Variants in JAG2 observed in about 807,000 individuals in gnomAD.
JAG2 encodes protein jagged-2.
A neutral mutation model predicts 141.7 loss-of-function variants in JAG2; 46 were observed. The ratio of observed to expected loss-of-function variants is 0.32; its 90% CI spans 0.26 to 0.42. JAG2 has a LOEUF of 0.42. Ranked by LOEUF, JAG2 falls within the 10% of genes least tolerant of loss-of-function variation. JAG2 has a pLI of 1.00. For missense variants in JAG2, 1,500 were observed against 1,817.5 expected (o/e 0.83, Z 3.18); for synonymous variants, 862 against 763.5 (o/e 1.13, Z -2.13).
intron 3 of JAG2, among the ~76,000 whole-genome samples, chr14:105,156,308 C>T (rs1039324992): frequency 6.6e-6 from 1 of 152,124 alleles, no homozygotes; most frequent in Non-Finnish European, 1.5e-5. Flanking sequence ...CGGCTGCTGC[C>T]AGGGCGTGAG....
In JAG2 at chr14:105,152,233, C is replaced by T. The variant is rs375084155; in HGVS notation, c.847G>A (p.Val283Met). The T allele has an allele frequency of 5.8e-5, 94 of 1,613,574 alleles. No homozygotes were observed. The highest frequency in any genetic ancestry group is 3.1e-4 in the African/African-American group (23 of 75,064). Residue 283 changes from valine to methionine, a missense_variant, in exon 6 of 26, where the codon GTG (valine) becomes ATG (methionine). Around this residue, in one of 3 missense-constraint regions of JAG2, gnomAD observed 875 missense variants for 1,202.2 expected, o/e 0.73. Coordinates refer to ENST00000331782, the MANE Select transcript of JAG2 (RefSeq NM_002226.5). ...CDECVPYPGC[V>M]HGSCVEPWQC... Reference sequence around the variant, plus strand: ...CAGGGCTCCACACAACTGCCATGCACGCAGCCGGGGTAGGGGACACACTCA... The same window carrying T: ...CAGGGCTCCACACAACTGCCATGCATGCAGCCGGGGTAGGGGACACACTCA...
intron 2 of JAG2, among the ~76,000 whole-genome samples, chr14:105,165,279 C>T (rs1888874902): frequency 6.6e-6 from 1 of 152,224 alleles, no homozygotes; most frequent in African/African-American, 2.4e-5. Flanking sequence ...CTGCTGCCCC[C>T]AGCATGACAC....
Position 105,146,639 on chromosome 14 carries a change from G to A in JAG2, c.2565C>T (p.Pro855=), listed in dbSNP as rs750275869. Residue 855 remains proline, a synonymous_variant, in exon 21 of 26, where the codon CCC becomes CCT. Coordinates refer to ENST00000331782, the MANE Select transcript of JAG2 (RefSeq NM_002226.5). ...CCTGGCACCGGGGGCCGGCTCGGCC[G>A]GGTGGGCAGCTACAGCGATACCCGT... is the stretch of plus-strand genomic sequence containing the variant. ...EINGYRCSCP[P]GRAGPRCQEV... is the part of the protein sequence containing the mutation. 5.7e-5 allele frequency: 92 copies of A among 1,612,626 alleles called. No individual in the cohort carries two copies. Among genetic ancestry groups the A allele is most frequent in the South Asian group, 1.6e-4 (15 of 91,086 alleles).
At position 105,150,619 on chromosome 14, in the gene JAG2, G is replaced by A. The variant is rs180968250; in HGVS notation, c.1587C>T (p.Ser529=). 3.7e-4 allele frequency: 572 copies of A among 1,548,902 alleles called. 1 individual carries two copies. In the African/African-American group the frequency reaches 5.2e-3, roughly 14 times the overall value. The change falls in exon 12 of 26, where the codon TCC becomes TCT. Residue 529 remains serine (S), a synonymous_variant. Coordinates refer to ENST00000331782, the MANE Select transcript of JAG2 (RefSeq NM_002226.5). The stretch of plus-strand genomic sequence containing the variant: ...CAGACCTCACCTCACAGAGAGGCCC[G>A]GAGAAGCCCTGGGGGCAGTGGCAGT... ...GFHCHCPQGF[S]GPLCEVDVDL... is the part of the protein sequence containing the mutation.
chr14:105,156,101 A>G, intron 3 of JAG2, 112 bp from the exon 4 acceptor site: 2 of 1,354,300 alleles, frequency 1.5e-6, no homozygotes, highest in South Asian at 2.7e-5. Flanking sequence ...GCCGGGGCAC[A>G]GCAGGCAGCA....
chr14:105,150,147 T>A (rs1246790640), intron 12 of JAG2, among the ~76,000 whole-genome samples: 2 of 136,804 alleles, frequency 1.5e-5, no homozygotes, highest in Non-Finnish European at 3.2e-5. Flanking sequence ...GGGGAGGGGG[T>A]CCAGTACCAA....
chr14:105,147,617 T>C, intron 18 of JAG2, 90 bp from the exon 19 acceptor site: 2 of 1,348,900 alleles, frequency 1.5e-6, no homozygotes, highest in Admixed American at 1.8e-5. Context: ...GATCAGGCTG[T>C]GGGGCTGGGG....
In JAG2 at chr14:105,142,479, C is replaced by T; in HGVS notation, c.*216G>A. The T allele has an allele frequency of 1.8e-6, 1 of 565,626 alleles. No individual in the cohort carries two copies. Among genetic ancestry groups the T allele is most frequent in the Non-Finnish European group, 3.1e-6 (1 of 319,406 alleles). 35.0% of individuals were successfully genotyped at this position (565,626 alleles called of 1,614,324 possible). On this transcript the variant is annotated 3_prime_UTR_variant, in exon 26 of 26. Transcript: ENST00000331782. ...ACGCACGGAAACTTTACAAAAATAG[C>T]AACTATCCGAGAATACTCCATTGTT...
At chr14:105,157,823 G>A in intron 2 of JAG2, 60 bp from the exon 3 acceptor site, 1 of 1,451,328 alleles carries the variant, frequency 6.9e-7, no homozygotes, top group South Asian at 1.2e-5. Flanking sequence ...CTCGTTCAGG[G>A]TGGGACAAGG....
rs144248956 is a variant in JAG2 at position 105,151,103 on chromosome 14, G to T, written c.1269C>A (p.Asp423Glu). 7.5e-6 allele frequency: 12 copies of T among 1,609,022 alleles called. No individual in the cohort carries two copies. The highest frequency in any genetic ancestry group is 1.0e-5 in the Non-Finnish European group (12 of 1,178,134). ...ATGGCTTCCCTTCACACTCATTGGCGTCTGTGAAAGAGACAAGGTGGGAGC... is the reference window on the plus strand; with the variant it reads ...ATGGCTTCCCTTCACACTCATTGGCTTCTGTGAAAGAGACAAGGTGGGAGC... ...EQWVGATCQL[D>E]ANECEGKPCL... Residue 423 changes from aspartate (D) to glutamate (E), a missense_variant and splice_region_variant, in exon 10 of 26, where the codon GAC becomes GAA. Transcript: ENST00000331782.
intron 9 of JAG2, 52 bp downstream of exon 9, chr14:105,151,204 AGCAGCCCCCGCAGCCCCAGCAGCCCCC>A (rs1888416262): frequency 4.2e-6 from 3 of 715,916 alleles, no homozygotes; most frequent in African/African-American, 7.2e-5. Flanking sequence ...CAGCAGCCCC[AGCAGCCCCCGCAGCCCCAGCAGCCCCC>A]GCAGCCCGCA....
rs1243489202 is a variant in JAG2, at chr14:105,147,983, C to CCCGGGGG, written c.2249-102_2249-96dup. ...CCCCAACCCAGACAGGGCAGACAGA[C>CCCGGGGG]CCGGGGGCAGGGGGCAGGGGGCAGG... is the stretch of plus-strand genomic sequence containing the variant. On this transcript the variant is annotated intron_variant, in intron 17 of 25. Coordinates refer to ENST00000331782, the MANE Select transcript of JAG2 (RefSeq NM_002226.5). The CCCGGGGG allele has an allele frequency of 4.1e-4, 484 of 1,189,530 alleles. No homozygotes were observed. The Middle Eastern group carries it at 4.4e-3, about 11-fold the overall frequency. The allele number at this position is 1,189,530 out of a possible 1,614,324, so 73.7% of individuals were successfully genotyped here.
At position 105,142,937 on chromosome 14, in the gene JAG2, G is replaced by A. The variant is rs188092112; in HGVS notation, c.3475C>T (p.Arg1159Cys). Residue 1159 changes from arginine (R) to cysteine (C), a missense_variant, in exon 26 of 26, where the codon CGC becomes TGC. Physicochemically the swap from Arg to Cys is radical, Grantham distance 180 (BLOSUM62 -3). Around this residue, in one of 3 missense-constraint regions of JAG2, gnomAD observed 425 missense variants for 441.0 expected, o/e 0.96. Coordinates refer to ENST00000331782, the MANE Select transcript of JAG2 (RefSeq NM_002226.5). ...YQCKNFTPPP[R>C]RADEALPGPA... is the part of the protein sequence containing the mutation. ...CCGGGCAGCGCCTCGTCCGCCCTGC[G>A]CGGCGGCGGCGTGAAGTTCTTGCAC... 4.7e-5 allele frequency: 76 copies of A among 1,608,566 alleles called. No individual in the cohort carries two copies. In the East Asian group the frequency reaches 9.2e-4, roughly 19 times the overall value.
In JAG2 at chr14:105,167,252, AGCGTTAG is replaced by A. The variant is rs1196700767; in HGVS notation, c.417+498_417+504del. On this transcript the variant is annotated intron_variant, in intron 2 of 25. Coordinates refer to ENST00000331782, the MANE Select transcript of JAG2 (RefSeq NM_002226.5). This position sits in a 1 kb window ranked among gnomAD's most constrained non-coding sequence, Gnocchi z 4.8. ...ACCATCGGGGGCTTCTGCCGACATA[AGCGTTAG>A]GCGTTAGGCTCTCCCGGGCCTAGGT... Among the ~76,000 whole-genome samples the A allele has an allele frequency of 6.6e-5, 10 of 152,278 alleles. No homozygotes were observed. Among genetic ancestry groups the A allele is most frequent in the South Asian group, 6.2e-4 (3 of 4,828 alleles).
chr14:105,149,334 G>A lies in JAG2; in HGVS notation c.1603-14C>T, dbSNP rs778176970. ...GTCGACATCCACCTGCAGGGTGGGGGGTGCCTGTGAGAGCCTAGGCCCAGG... is the reference window on the plus strand; with the variant it reads ...GTCGACATCCACCTGCAGGGTGGGGAGTGCCTGTGAGAGCCTAGGCCCAGG... On this transcript the variant is annotated splice_polypyrimidine_tract_variant and intron_variant, in intron 12 of 25. Transcript: ENST00000331782. 1.2e-6 allele frequency: 2 copies of A among 1,612,562 alleles called. No homozygotes were observed. Among genetic ancestry groups the A allele is most frequent in the East Asian group, 4.5e-5 (2 of 44,866 alleles).
chr14:105,150,954 C>T (rs1304649669), intron 10 of JAG2, 37 bp downstream of exon 10: 1 of 1,596,162 alleles, frequency 6.3e-7, no homozygotes, highest in Non-Finnish European at 8.5e-7. Context: ...TCCCATGTGC[C>T]TCGGCCCACC....
Position 105,141,201 on chromosome 14 carries a change from C to T in JAG2, c.*1494G>A, listed in dbSNP as rs1888051847. Reference sequence around the variant, plus strand: ...GCTCGGAGTCAGCCTTGGAGTCGGCCTTCCATGCCCAGCCCTGAGGCCACC... The same window carrying T: ...GCTCGGAGTCAGCCTTGGAGTCGGCTTTCCATGCCCAGCCCTGAGGCCACC... On this transcript the variant is annotated 3_prime_UTR_variant, in exon 26 of 26. Coordinates refer to ENST00000331782, the MANE Select transcript of JAG2 (RefSeq NM_002226.5). The T allele has an allele frequency of 2.0e-5, 3 of 152,150 alleles. No individual in the cohort carries two copies. The highest frequency in any genetic ancestry group is 2.0e-4 in the Admixed American group (3 of 15,272). The allele number at this position is 152,150 out of a possible 1,614,324, so 9.4% of individuals were successfully genotyped here. A position where few individuals can be genotyped will look rare whatever the true frequency, so the allele number is the denominator to read the frequency against.
At position 105,146,694 on chromosome 14, in the gene JAG2, G is replaced by C; in HGVS notation, c.2510C>G (p.Ala837Gly). ...NIDECQSSPC[A>G]YGATCVDEIN... ...CTCATCCACACACGTGGCCCCGTAG[G>C]CACAGGGCGAGGACTGGCACTCGTC... Residue 837 changes from alanine to glycine, a missense_variant, in exon 21 of 26, where the codon GCC becomes GGC. Physicochemically the swap from Ala to Gly is moderately conservative, Grantham distance 60. Around this residue, in one of 3 missense-constraint regions of JAG2, gnomAD observed 875 missense variants for 1,202.2 expected, o/e 0.73. Coordinates refer to ENST00000331782, the MANE Select transcript of JAG2 (RefSeq NM_002226.5). 6.2e-7 allele frequency: 1 copy of C among 1,612,622 alleles called. No homozygotes were observed. Among genetic ancestry groups the C allele is most frequent in the Non-Finnish European group, 8.5e-7 (1 of 1,179,822 alleles).
rs1345414418 is a variant in JAG2 at position 105,167,817 on chromosome 14, G to A, written c.357C>T (p.Ala119=). 2.0e-6 allele frequency: 3 copies of A among 1,469,788 alleles called. No homozygotes were observed. In the African/African-American group the frequency reaches 4.4e-5, roughly 22 times the overall value. The allele number at this position is 1,469,788 out of a possible 1,614,324, so 91.0% of individuals were successfully genotyped here. The change falls in exon 2 of 26, where the codon GCC becomes GCT. Residue 119 remains alanine (A), a synonymous_variant. Transcript: ENST00000331782. The surrounding 1 kb of genome is among the most constrained non-coding windows in gnomAD (Gnocchi z 4.8). ...GAAGDRARAR[A]RAGGDQDPGL... is the part of the protein sequence containing the mutation. ...CCGGGTCCTGGTCGCCGCCGGCCCG[G>A]GCCCGCGCCCGCGCTCGGTCCCCCG...
Sources: allele counts gnomAD v4.1 joint callset (sites outside exome capture counted in the v4.1 genomes callset), GRCh38; gene constraint gnomAD v4.1.1; regional missense constraint gnomAD v4.1.1; non-coding constraint Gnocchi (gnomAD v3.1); transcripts MANE v1.5; gene names NCBI Gene and HGNC (gene_info 2026-07-23, HGNC 2026-07-21).